The following SLK variants were observed in gnomAD, a reference collection of about 807,000 sequenced individuals.
SLK encodes STE20-like serine/threonine-protein kinase.
A neutral mutation model predicts 147.7 loss-of-function variants in SLK; 67 were observed. That is an observed-to-expected ratio of 0.45 (90% CI 0.37 to 0.56). The LOEUF is 0.56. SLK is among the 20% of genes least tolerant of loss of function. The probability of loss-of-function intolerance (pLI) is 0.00; values close to 1 mark genes in which losing one functional copy is unlikely to be tolerated. For missense variants in SLK, 1,136 were observed against 1,438.8 expected (o/e 0.79, Z 3.41); for synonymous variants, 441 against 475.0 (o/e 0.93, Z 0.93).
At chr10:103,982,765 C>T (rs1268938934) in intron 1 of SLK, among the ~76,000 whole-genome samples, 1 of 152,168 alleles carries the variant, frequency 6.6e-6, no homozygotes, top group East Asian at 1.9e-4. Flanking sequence ...AAGCACATTC[C>T]CAGCTAAACT....
At chr10:103,996,726 G>A (rs540096992) in intron 4 of SLK, among the ~76,000 whole-genome samples, 16 of 152,084 alleles carry the variant, frequency 1.1e-4, no homozygotes, top group African/African-American at 3.1e-4. Context: ...TACAATATTC[G>A]AGTGCTTTCT....
At chr10:103,985,610 T>C (rs1275574277) in intron 1 of SLK, among the ~76,000 whole-genome samples, 1 of 152,164 alleles carries the variant, frequency 6.6e-6, no homozygotes, top group East Asian at 1.9e-4. Context: ...ACATATTTTT[T>C]GTTTGTTTGT....
At position 103,967,696 on chromosome 10, in the gene SLK, T is replaced by G; in HGVS notation, c.-50T>G. ...AGAGCAGGGAAGAGAAACTTTGCCT[T>G]TTATTGTTTTTAGTCCTTAAGTGCA... is the stretch of plus-strand genomic sequence containing the variant. On this transcript the variant is annotated 5_prime_UTR_variant, in exon 1 of 19. Coordinates refer to ENST00000369755, the MANE Select transcript of SLK (RefSeq NM_014720.4). 1.2e-5 allele frequency: 19 copies of G among 1,553,504 alleles called. No homozygotes were observed. Among genetic ancestry groups the G allele is most frequent in the African/African-American group, 4.1e-5 (3 of 72,668 alleles).
At chr10:104,011,319 T>C (rs1273293573) in intron 13 of SLK, among the ~76,000 whole-genome samples, 1 of 152,234 alleles carries the variant, frequency 6.6e-6, no homozygotes, top group Non-Finnish European at 1.5e-5. Flanking sequence ...ATTATTTCTA[T>C]AAAGTGCAGT....
intron 18 of SLK, among the ~76,000 whole-genome samples, chr10:104,024,736 A>T (rs1844576133): frequency 6.6e-6 from 1 of 152,174 alleles, no homozygotes; most frequent in Non-Finnish European, 1.5e-5. Context: ...AAAGTCATTG[A>T]TACCTGTAAC....
chr10:104,008,439 CTAA>C, intron 12 of SLK, 83 bp downstream of exon 12: 1 of 891,280 alleles, frequency 1.1e-6, no homozygotes, highest in South Asian at 1.8e-5. Flanking sequence ...TTTAGGAATA[CTAA>C]TAATACTTGA....
At chr10:104,015,306 C>G (rs1024928626) in intron 13 of SLK, among the ~76,000 whole-genome samples, 4 of 152,188 alleles carry the variant, frequency 2.6e-5, no homozygotes. Flanking sequence ...CCCTATCTTA[C>G]TTCTGGAGCC....
At chr10:103,980,078 G>C (rs1316051981) in intron 1 of SLK, among the ~76,000 whole-genome samples, 2 of 152,220 alleles carry the variant, frequency 1.3e-5, no homozygotes, top group African/African-American at 4.8e-5. Flanking sequence ...TAGATACCCA[G>C]TTGTCCCAGC....
intron 1 of SLK, among the ~76,000 whole-genome samples, chr10:103,989,530 G>A (rs958793358): frequency 3.6e-5 from 5 of 137,180 alleles, no homozygotes; most frequent in African/African-American, 1.1e-4. Context: ...GTGCAGTGGC[G>A]CAATTTCGGC....
rs139374283 is a variant in SLK at position 104,020,755 on chromosome 10, C to A, written c.3447+142C>A. 1.9e-5 allele frequency: 15 copies of A among 780,702 alleles called. No individual in the cohort carries two copies. The East Asian group carries it at 4.2e-4, about 22-fold the overall frequency. 48.4% of individuals were successfully genotyped at this position (780,702 alleles called of 1,614,324 possible). On this transcript the variant is annotated intron_variant, in intron 17 of 18. Transcript: ENST00000369755. ...GAGAGGTTCTGTTTTTTGTACAGATCCAAATGAAGATCAGTTTGGTATCAT... is the reference window on the plus strand; with the variant it reads ...GAGAGGTTCTGTTTTTTGTACAGATACAAATGAAGATCAGTTTGGTATCAT...
At chr10:103,969,197 GA>G (rs1291692033) in intron 1 of SLK, among the ~76,000 whole-genome samples, 3 of 152,048 alleles carry the variant, frequency 2.0e-5, no homozygotes, top group Non-Finnish European at 2.9e-5. Flanking sequence ...TTGAACTCCC[GA>G]CCTCAGGTGA....
chr10:104,025,615 A>G lies in SLK; in HGVS notation c.3603A>G (p.Glu1201=), dbSNP rs758543137. 3.1e-6 allele frequency: 5 copies of G among 1,613,834 alleles called. No individual in the cohort carries two copies. The South Asian group carries it at 5.5e-5, about 18-fold the overall frequency. ...TTGCCAGGAAACTACAGGAACAGGA[A>G]GTATTCTTTAAAATGACTGGGGAGT... ...EEFARKLQEQ[E]VFFKMTGESE... is the part of the protein sequence containing the mutation. The change falls in exon 19 of 19, where the codon GAA becomes GAG. Residue 1201 remains glutamate (E), a synonymous_variant. Transcript: ENST00000369755.
intron 4 of SLK, 136 bp downstream of exon 4, chr10:103,993,269 A>G: frequency 1.9e-6 from 1 of 523,536 alleles, no homozygotes; most frequent in East Asian, 3.4e-5. Context: ...GTTTTTAAAA[A>G]ACACTTTTTT....
At position 104,001,570 on chromosome 10, in the gene SLK, C is replaced by G; in HGVS notation, c.991C>G (p.Leu331Val). 3 of 1,613,626 alleles carry G rather than the reference C, an allele frequency of 1.9e-6. No homozygotes were observed. The highest frequency in any genetic ancestry group is 2.5e-6 in the Non-Finnish European group (3 of 1,179,664). Reference sequence around the variant, plus strand: ...TGAAGAGGAGGAAACAGAAAATTCTCTGGTCAGTATTTAGGAAAGAAATTT... The same window carrying G: ...TGAAGAGGAGGAAACAGAAAATTCTGTGGTCAGTATTTAGGAAAGAAATTT... ...EDEEEETENS[L>V]PIPASKRASS... The change falls in exon 8 of 19, where the codon CTG becomes GTG. Residue 331 changes from leucine (L) to valine (V), a missense_variant and splice_region_variant. Leu to Val is a conservative substitution (Grantham distance 32, BLOSUM62 1). Coordinates refer to ENST00000369755, the MANE Select transcript of SLK (RefSeq NM_014720.4).
Position 103,968,021 on chromosome 10 carries a change from A to G in SLK, c.150+126A>G, listed in dbSNP as rs548358001. ...CTTTTGACTGTTACGGTTCGATGCA[A>G]CTTTACTTGGCTGATCATCCAAGGA... On this transcript the variant is annotated intron_variant, in intron 1 of 18. Transcript: ENST00000369755. 44 of 982,538 alleles carry G rather than the reference A, an allele frequency of 4.5e-5. No individual in the cohort carries two copies. The South Asian group carries it at 5.2e-4, about 12-fold the overall frequency. 60.9% of individuals were successfully genotyped at this position (982,538 alleles called of 1,614,324 possible). A position where few individuals can be genotyped will look rare whatever the true frequency, so the allele number is the denominator to read the frequency against.
intron 1 of SLK, among the ~76,000 whole-genome samples, chr10:103,982,981 A>G (rs1433779769): frequency 2.6e-5 from 4 of 152,192 alleles, no homozygotes; most frequent in African/African-American, 4.8e-5. Context: ...TCTTTTGTAA[A>G]ATAAAGAAAG....
intron 7 of SLK, among the ~76,000 whole-genome samples, chr10:104,000,957 G>T (rs890949711): frequency 2.4e-4 from 37 of 151,114 alleles, no homozygotes; most frequent in Non-Finnish European, 4.3e-4. Context: ...TACTCGGGAG[G>T]CTGAGGCAGG....
intron 1 of SLK, among the ~76,000 whole-genome samples, chr10:103,973,015 T>C (rs1843814967): frequency 6.6e-6 from 1 of 152,206 alleles, no homozygotes; most frequent in Non-Finnish European, 1.5e-5. Flanking sequence ...GTAGTGTCTT[T>C]TTATGAATTC....
intron 11 of SLK, among the ~76,000 whole-genome samples, chr10:104,006,629 T>C (rs1454355532): frequency 6.6e-6 from 1 of 152,218 alleles, no homozygotes; most frequent in African/African-American, 2.4e-5. Flanking sequence ...TATAAAATTT[T>C]TGTAATTTAT....
Sources: allele counts gnomAD v4.1 joint callset (sites outside exome capture counted in the v4.1 genomes callset), GRCh38; gene constraint gnomAD v4.1.1; transcripts MANE v1.5; gene names NCBI Gene and HGNC (gene_info 2026-07-23, HGNC 2026-07-21).